POM121C: variants seen among roughly 807,000 people sequenced by gnomAD.
POM121C encodes nuclear envelope pore membrane protein POM 121C.
POM121C carries 20 observed loss-of-function variants against 66.4 expected under a neutral mutation model. The ratio of observed to expected loss-of-function variants is 0.30; its 90% CI spans 0.21 to 0.44. The LOEUF (loss-of-function observed/expected upper bound fraction) is 0.44, where lower values mean the gene tolerates loss of function less well. Ranked by LOEUF, POM121C falls within the 20% of genes least tolerant of loss-of-function variation. The pLI is 1.00. For missense variants in POM121C, 580 were observed against 1,225.7 expected, an observed-to-expected ratio of 0.47 and a Z score of 7.87; for synonymous variants, 286 against 528.0, an observed-to-expected ratio of 0.54 and a Z score of 6.28.
At chr7:75,431,431 C>T (rs1790172134) in intron 7 of POM121C, among the ~76,000 whole-genome samples, 1 of 151,032 alleles carries the variant, frequency 6.6e-6, no homozygotes, top group Non-Finnish European at 1.5e-5. Flanking sequence ...TGCAGAAACC[C>T]CATCTCCACT....
intron 1 of POM121C, among the ~76,000 whole-genome samples, chr7:75,477,195 A>G (rs1279350976): frequency 6.6e-6 from 1 of 151,788 alleles, no homozygotes; most frequent in Admixed American, 6.6e-5. Flanking sequence ...GAAAAACTAC[A>G]TATCTTCCCA....
intron 7 of POM121C, among the ~76,000 whole-genome samples, chr7:75,434,810 G>A (rs1304826304): frequency 6.6e-6 from 1 of 151,900 alleles, no homozygotes; most frequent in Non-Finnish European, 1.5e-5. Context: ...CTCGAACTCA[G>A]GTGATCTGCC....
chr7:75,430,861 G>C (rs150120197), intron 7 of POM121C, among the ~76,000 whole-genome samples: 2,108 of 152,098 alleles, frequency 0.014, 58 homozygotes, highest in African/African-American at 0.047. Flanking sequence ...CAGATCATGA[G>C]GTCAGGAGAT....
At chr7:75,485,759 G>C (rs868992781) in intron 1 of POM121C, 105 bp downstream of exon 1, 5 of 404,878 alleles carry the variant, frequency 1.2e-5, no homozygotes, top group Admixed American at 5.6e-5. Context: ...ATGTCTCTCC[G>C]GCAAGCAATC....
intron 3 of POM121C, among the ~76,000 whole-genome samples, chr7:75,455,018 G>T (rs1554476151): frequency 6.6e-6 from 1 of 152,160 alleles, no homozygotes. Context: ...TAAATGCTGT[G>T]TATCAATGTA....
At chr7:75,427,932 G>A (rs1240704289) in intron 7 of POM121C, among the ~76,000 whole-genome samples, 2 of 152,062 alleles carry the variant, frequency 1.3e-5, no homozygotes, top group Non-Finnish European at 2.9e-5. Context: ...GACTGCTCAC[G>A]GCAATAACAG....
chr7:75,438,579 C>T lies in POM121C; in HGVS notation c.308+565G>A, dbSNP rs587680981. Among the ~76,000 whole-genome samples, 7 of 152,306 alleles carry T rather than the reference C, an allele frequency of 4.6e-5. No homozygotes were observed. In the East Asian group the frequency reaches 5.8e-4, roughly 13 times the overall value. On this transcript the variant is annotated intron_variant, in intron 6 of 14. Coordinates refer to ENST00000615331, the MANE Select transcript of POM121C (RefSeq NM_001099415.3). ...GTACATCCTCCCTCGCAGTGCAGTACGCTGATCTGACCACAGTGCTCCACG... is the reference window on the plus strand; with the variant it reads ...GTACATCCTCCCTCGCAGTGCAGTATGCTGATCTGACCACAGTGCTCCACG...
chr7:75,474,353 C>T (rs1563158611), intron 3 of POM121C, among the ~76,000 whole-genome samples: 1 of 152,128 alleles, frequency 6.6e-6, no homozygotes, highest in Non-Finnish European at 1.5e-5. Context: ...GAGATCATAC[C>T]AGTGCACATC....
At position 75,422,044 on chromosome 7, in the gene POM121C, T is replaced by C; in HGVS notation, c.2208A>G (p.Ala736=). The C allele has an allele frequency of 1.2e-6, 2 of 1,612,576 alleles. No individual in the cohort carries two copies. The highest frequency in any genetic ancestry group is 1.1e-5 in the South Asian group (1 of 91,054). Reference sequence around the variant, plus strand: ...TGGGTGCAGTAGCCGGGGCCGGGGCTGCAGAGTTTCCAAAAGTGAAAGAGC... The same window carrying C: ...TGGGTGCAGTAGCCGGGGCCGGGGCCGCAGAGTTTCCAAAAGTGAAAGAGC... ...FGSSFTFGNS[A]APAPATAPTP... Residue 736 remains alanine (A), a synonymous_variant, in exon 13 of 15, where the codon GCA becomes GCG. Transcript: ENST00000615331.
In POM121C at chr7:75,424,425, C is replaced by T. The variant is rs1202806814; in HGVS notation, c.871+101G>A. On this transcript the variant is annotated intron_variant, in intron 11 of 14. Coordinates refer to ENST00000615331, the MANE Select transcript of POM121C (RefSeq NM_001099415.3). ...CACAAGAAAACATGGAACTCTACTT[C>T]GGATTTTCCCAGAGAAACCCATTTT... The T allele has an allele frequency of 3.0e-5, 45 of 1,507,924 alleles. 2 individuals are homozygous for T. The Admixed American group carries it at 4.2e-4, about 14-fold the overall frequency. The allele number at this position is 1,507,924 out of a possible 1,614,324, so 93.4% of individuals were successfully genotyped here.
chr7:75,469,875 C>G (rs1339192431), intron 3 of POM121C, among the ~76,000 whole-genome samples: 1 of 152,210 alleles, frequency 6.6e-6, no homozygotes, highest in Non-Finnish European at 1.5e-5. Context: ...CCTTTCTCAA[C>G]CACCTTATAA....
At chr7:75,436,857 G>C (rs1426559149) in intron 7 of POM121C, among the ~76,000 whole-genome samples, 1 of 151,956 alleles carries the variant, frequency 6.6e-6, no homozygotes, top group Admixed American at 6.6e-5. Flanking sequence ...CTGGGCTCAA[G>C]AGGTTCTCCC....
chr7:75,486,111 C>CG lies in POM121C; in HGVS notation c.-706dup, dbSNP rs1435219495. On this transcript the variant is annotated 5_prime_UTR_variant, in exon 1 of 15. Coordinates refer to ENST00000615331, the MANE Select transcript of POM121C (RefSeq NM_001099415.3). ...CGCCGCCGGCTCCGGGGTTCACGCT[C>CG]GGGGGTCCCAGCTCGAGCCTCTACC... 14 of 355,236 alleles carry CG rather than the reference C, an allele frequency of 3.9e-5. No individual in the cohort carries two copies. Among genetic ancestry groups the CG allele is most frequent in the African/African-American group, 6.8e-5 (3 of 43,824 alleles). The allele number at this position is 355,236 out of a possible 1,614,324, so 22.0% of individuals were successfully genotyped here.
chr7:75,416,931 G>A lies in POM121C; in HGVS notation c.*1865C>T. 7.0e-7 allele frequency: 1 copy of A among 1,422,242 alleles called. No homozygotes were observed. The highest frequency in any genetic ancestry group is 1.5e-5 in the South Asian group (1 of 65,354). The allele number at this position is 1,422,242 out of a possible 1,614,324, so 88.1% of individuals were successfully genotyped here. A position where few individuals can be genotyped will look rare whatever the true frequency, so the allele number is the denominator to read the frequency against. On this transcript the variant is annotated 3_prime_UTR_variant, in exon 15 of 15. Transcript: ENST00000615331. ...AGCCTCCCGCTGCCGTCCAGTGTGT[G>A]TACTGTACACATCCACACTCACTCT...
intron 3 of POM121C, among the ~76,000 whole-genome samples, chr7:75,447,135 C>G (rs1790847021): frequency 7.2e-6 from 1 of 138,584 alleles, no homozygotes; most frequent in Non-Finnish European, 1.5e-5. Context: ...CCCATAATAA[C>G]AACCAATCAA....
chr7:75,459,037 T>TA (rs1791353167), intron 3 of POM121C, among the ~76,000 whole-genome samples: 1 of 148,178 alleles, frequency 6.7e-6, no homozygotes, highest in Admixed American at 6.8e-5. Context: ...AATAACTAAG[T>TA]AAAAAACTCA....
intron 3 of POM121C, among the ~76,000 whole-genome samples, chr7:75,456,526 T>G (rs1450835057): frequency 1.3e-5 from 2 of 152,018 alleles, no homozygotes; most frequent in Non-Finnish European, 2.9e-5. Flanking sequence ...ACAGACGAAA[T>G]GAGGAAGAAG....
chr7:75,428,557 G>A (rs1554471965), intron 7 of POM121C, among the ~76,000 whole-genome samples: 1 of 152,116 alleles, frequency 6.6e-6, no homozygotes, highest in African/African-American at 2.4e-5. Flanking sequence ...AGACCAGCCT[G>A]GGCAACACAG....
intron 3 of POM121C, among the ~76,000 whole-genome samples, chr7:75,462,482 A>C (rs1261693721): frequency 4.0e-5 from 6 of 151,796 alleles, no homozygotes; most frequent in Non-Finnish European, 8.8e-5. Context: ...TGGTAGGAAA[A>C]CTGGGTTATT....
Sources: allele counts gnomAD v4.1 joint callset (sites outside exome capture counted in the v4.1 genomes callset), GRCh38; gene constraint gnomAD v4.1.1; transcripts MANE v1.5; gene names NCBI Gene and HGNC (gene_info 2026-07-23, HGNC 2026-07-21).